The following MYO7B variants were observed in gnomAD, a reference collection of about 807,000 sequenced individuals.
MYO7B encodes myosin VIIB.
Under a neutral mutation model 259.7 loss-of-function variants are expected in MYO7B, and 212 were observed. The ratio of observed to expected loss-of-function variants is 0.82; its 90% CI spans 0.73 to 0.91. The LOEUF is 0.91. Among genes scored for constraint, MYO7B ranks in the 40% least tolerant of loss-of-function variants. The pLI, the probability that MYO7B is intolerant of heterozygous loss-of-function variation, is 0.00. For synonymous variants in MYO7B, 1,197 were observed against 1,166.4 expected (o/e 1.03, Z -0.54); for missense variants, 2,732 against 2,813.5 (o/e 0.97, Z 0.66).
chr2:127,631,778 A>G, intron 38 of MYO7B, 25 bp downstream of exon 38: 2 of 1,607,310 alleles, frequency 1.2e-6, no homozygotes, highest in East Asian at 2.2e-5. Flanking sequence ...CGGCCAGCCC[A>G]CGCGGGCACC....
Position 127,565,280 on chromosome 2 carries a change from C to A in MYO7B, c.180C>A (p.His60Gln). 6.2e-7 allele frequency: 1 copy of A among 1,614,014 alleles called. No homozygotes were observed. The highest frequency in any genetic ancestry group is 1.1e-5 in the South Asian group (1 of 91,090). The change falls in exon 4 of 48, where the codon CAC (histidine) becomes CAA (glutamine). Residue 60 changes from histidine (H) to glutamine (Q), a missense_variant. Transcript: ENST00000409816. ...ACTTTGGTGTCCTCAGTCCCATGCA[C>A]CCCAACTCAGTCCAGGGTGTGGACG... The part of the protein sequence containing the change: ...AEDFGVLSPM[H>Q]PNSVQGVDDM...
In MYO7B at chr2:127,631,246, C is replaced by G. The variant is rs1331470204; in HGVS notation, c.4978C>G (p.Leu1660Val). 2 of 1,610,794 alleles carry G rather than the reference C, an allele frequency of 1.2e-6. No homozygotes were observed. The highest frequency in any genetic ancestry group is 1.3e-5 in the African/African-American group (1 of 75,022). Residue 1660 changes from leucine to valine, a missense_variant, in exon 37 of 48, where the codon CTG becomes GTG. Physicochemically the swap from Leu to Val is conservative, Grantham distance 32. Around this residue, in one of 3 missense-constraint regions of MYO7B, gnomAD observed 821 missense variants for 769.3 expected, o/e 1.07. Coordinates refer to ENST00000409816, the MANE Select transcript of MYO7B (RefSeq NM_001393586.1). ...KDMVSMAVLPLARARGHLWAY... is the reference protein window; with the variant it reads ...KDMVSMAVLPVARARGHLWAY... ...CATGGTGAGCATGGCCGTGCTGCCC[C>G]TGGCCCGTGCCCGTGGCCACCTGTG... is the stretch of plus-strand genomic sequence containing the variant.
In MYO7B at chr2:127,626,896, C is replaced by T. The variant is rs551801564; in HGVS notation, c.4216-79C>T. ...GAGCCTTCTCAGAAGGATCCATCAA[C>T]TCTTTTACCCTGAGCACTAGGTGAG... On this transcript the variant is annotated intron_variant, in intron 31 of 47. Transcript: ENST00000409816. 167 of 1,318,096 alleles carry T rather than the reference C, an allele frequency of 1.3e-4. No individual in the cohort carries two copies. The African/African-American group carries it at 2.3e-3, about 18-fold the overall frequency. 81.7% of individuals were successfully genotyped at this position (1,318,096 alleles called of 1,614,324 possible).
At position 127,609,863 on chromosome 2, in the gene MYO7B, A is replaced by G; in HGVS notation, c.3039A>G (p.Ile1013Met). The change falls in exon 24 of 48, where the codon ATA becomes ATG. Residue 1013 changes from isoleucine (I) to methionine (M), a missense_variant. Physicochemically the swap from Ile to Met is conservative, Grantham distance 10. This residue lies in a region of MYO7B where 1,906 missense variants were observed against 2,026.4 expected (regional missense o/e 0.94). Coordinates refer to ENST00000409816, the MANE Select transcript of MYO7B (RefSeq NM_001393586.1). The surrounding 1 kb of genome is among the most constrained non-coding windows in gnomAD (Gnocchi z 6.9). ...DDTDCLAALV[I>M]WNVILRFMGD... ...TGTTTCCCCAGGCCGCCCTGGTCAT[A>G]TGGAACGTCATCCTGAGGTTCATGG... The G allele has an allele frequency of 6.2e-7, 1 of 1,613,340 alleles. No homozygotes were observed. Among genetic ancestry groups the G allele is most frequent in the Non-Finnish European group, 8.5e-7 (1 of 1,179,590 alleles).
At chr2:127,547,280 A>G (rs1457251471) in intron 1 of MYO7B, among the ~76,000 whole-genome samples, 3 of 152,194 alleles carry the variant, frequency 2.0e-5, no homozygotes, top group Non-Finnish European at 4.4e-5. Flanking sequence ...CAGGTGTGGG[A>G]GAGACACACA....
In MYO7B at chr2:127,576,744, G is replaced by A. The variant is rs1678884508; in HGVS notation, c.849+36G>A. 7.0e-7 allele frequency: 1 copy of A among 1,429,148 alleles called. No individual in the cohort carries two copies. Among genetic ancestry groups the A allele is most frequent in the South Asian group, 1.2e-5 (1 of 84,550 alleles). The allele number at this position is 1,429,148 out of a possible 1,614,324, so 88.5% of individuals were successfully genotyped here. ...CACCTGCCGCCTCCCAGTAGCCAGTGGAAGGGAGGAAAAAGAGCTTGTGCC... is the reference window on the plus strand; with the variant it reads ...CACCTGCCGCCTCCCAGTAGCCAGTAGAAGGGAGGAAAAAGAGCTTGTGCC... On this transcript the variant is annotated intron_variant, in intron 8 of 47. Coordinates refer to ENST00000409816, the MANE Select transcript of MYO7B (RefSeq NM_001393586.1). This position sits in a 1 kb window ranked among gnomAD's most constrained non-coding sequence, Gnocchi z 4.9.
rs1678862862 is a variant in MYO7B at position 127,576,295 on chromosome 2, A to T, written c.736-300A>T. ...TGTGAAGACTGTGGGACTATAAGAG[A>T]GCCCCGACTCTGTGCCATCACTCCT... On this transcript the variant is annotated intron_variant, in intron 7 of 47. Coordinates refer to ENST00000409816, the MANE Select transcript of MYO7B (RefSeq NM_001393586.1). The surrounding 1 kb of genome is among the most constrained non-coding windows in gnomAD (Gnocchi z 4.9). 6.6e-6 allele frequency among the ~76,000 whole-genome samples: 1 copy of T among 151,924 alleles called. No homozygotes were observed. Among genetic ancestry groups the T allele is most frequent in the South Asian group, 2.1e-4 (1 of 4,808 alleles).
chr2:127,554,131 A>G (rs1296271902), intron 1 of MYO7B, among the ~76,000 whole-genome samples: 2 of 151,926 alleles, frequency 1.3e-5, no homozygotes, highest in African/African-American at 2.4e-5. Context: ...CTGGAGTGCA[A>G]TGGTGCAATC....
chr2:127,626,860 C>A, intron 31 of MYO7B, 115 bp from the exon 32 acceptor site: 2 of 960,072 alleles, frequency 2.1e-6, no homozygotes, highest in Non-Finnish European at 3.2e-6. Flanking sequence ...TCTCCAGACA[C>A]TGGCCTTGTA....
At chr2:127,596,778 G>A (rs1162986794) in intron 19 of MYO7B, among the ~76,000 whole-genome samples, 1 of 152,254 alleles carries the variant, frequency 6.6e-6, no homozygotes, top group Non-Finnish European at 1.5e-5. Context: ...CACTCCATAT[G>A]CAAGAGATGG....
intron 3 of MYO7B, 102 bp downstream of exon 3, chr2:127,564,368 C>A: frequency 1.1e-6 from 1 of 912,008 alleles, no homozygotes; most frequent in Non-Finnish European, 1.6e-6. Context: ...CCAGGGGCTC[C>A]AAGGCCAAGT....
chr2:127,608,339 G>A (rs76545545), intron 21 of MYO7B, among the ~76,000 whole-genome samples: 9,337 of 152,216 alleles, frequency 0.061, 530 homozygotes, highest in African/African-American at 0.15. Flanking sequence ...ACCTGTCCTG[G>A]TGGACCCTTT....
At position 127,607,270 on chromosome 2, in the gene MYO7B, A is replaced by T. The variant is rs965854431; in HGVS notation, c.2489A>T (p.Gln830Leu). Residue 830 changes from glutamine to leucine, a missense_variant, in exon 21 of 48, where the codon CAG becomes CTG. By Grantham distance (113) the Gln-to-Leu change is moderately radical. Transcript: ENST00000409816. The surrounding 1 kb of genome is among the most constrained non-coding windows in gnomAD (Gnocchi z 4.4). Reference sequence around the variant, plus strand: ...AGCCAGCCGCTGGCGAGGCAGTACCAGGCCATGCGGCAGAGGACAGTCCAG... The same window carrying T: ...AGCCAGCCGCTGGCGAGGCAGTACCTGGCCATGCGGCAGAGGACAGTCCAG... ...ARSQPLARQY[Q>L]AMRQRTVQLQ... 6.4e-7 allele frequency: 1 copy of T among 1,551,120 alleles called. No individual in the cohort carries two copies. The highest frequency in any genetic ancestry group is 8.7e-7 in the Non-Finnish European group (1 of 1,147,026).
intron 1 of MYO7B, among the ~76,000 whole-genome samples, chr2:127,553,713 T>C (rs189953800): frequency 9.2e-5 from 14 of 152,326 alleles, no homozygotes; most frequent in African/African-American, 3.4e-4. Context: ...ACAGCAACAG[T>C]TTGACTTCCT....
At position 127,564,166 on chromosome 2, in the gene MYO7B, G is replaced by C. The variant is rs970257782; in HGVS notation, c.32G>C (p.Trp11Ser). 2 of 1,566,240 alleles carry C rather than the reference G, an allele frequency of 1.3e-6. No homozygotes were observed. Among genetic ancestry groups the C allele is most frequent in the Non-Finnish European group, 1.7e-6 (2 of 1,156,040 alleles). ...TCTGCCCTCCAGGGTGACCACGTGT[G>C]GCTGGAGCCTCCCTCCACCCACAAG... MSGFRLGDHVWLEPPSTHKTG... is the reference protein window; with the variant it reads MSGFRLGDHVSLEPPSTHKTG... The change falls in exon 3 of 48, where the codon TGG becomes TCG. Residue 11 changes from tryptophan to serine, a missense_variant. Around this residue, in one of 3 missense-constraint regions of MYO7B, gnomAD observed 1,906 missense variants for 2,026.4 expected, o/e 0.94. Transcript: ENST00000409816.
At chr2:127,621,265 G>GT (rs1212192791) in intron 27 of MYO7B, among the ~76,000 whole-genome samples, 3,827 of 120,640 alleles carry the variant, frequency 0.032, 72 homozygotes, top group Non-Finnish European at 0.047. Flanking sequence ...TTTTTTTTTT[G>GT]TTTTTTTTTT....
chr2:127,624,077 C>G lies in MYO7B; in HGVS notation c.3820-16C>G, dbSNP rs771984916. On this transcript the variant is annotated splice_polypyrimidine_tract_variant and intron_variant, in intron 29 of 47. Transcript: ENST00000409816. ...TGCAACAGCCGCTAACCCCTGCTCC[C>G]CGACTCTGGCCTCAGTTCTGGTCCC... The G allele has an allele frequency of 2.6e-6, 4 of 1,546,176 alleles. No homozygotes were observed. The East Asian group carries it at 9.8e-5, about 38-fold the overall frequency.
intron 5 of MYO7B, 26 bp downstream of exon 5, chr2:127,566,853 C>T (rs138632365): frequency 1.6e-5 from 26 of 1,592,660 alleles, no homozygotes; most frequent in Non-Finnish European, 2.2e-5. Context: ...CAGGCACCAC[C>T]TCCAGGCATC....
chr2:127,632,375 C>G lies in MYO7B; in HGVS notation c.5379C>G (p.Cys1793Trp). ...GGGGGAAGCTGCTGGCCCCCGACTG[C>G]AGCCGCCGAATCCAGAAGGTCCTGA... ...TRRGKLLAPD[C>W]SRRIQKVLRT... Residue 1793 changes from cysteine (C) to tryptophan (W), a missense_variant, in exon 39 of 48, where the codon TGC (cysteine) becomes TGG (tryptophan). Transcript: ENST00000409816. 1 of 1,578,834 alleles carries G rather than the reference C, an allele frequency of 6.3e-7. No homozygotes were observed. The highest frequency in any genetic ancestry group is 8.6e-7 in the Non-Finnish European group (1 of 1,161,980).
Sources: allele counts gnomAD v4.1 joint callset (sites outside exome capture counted in the v4.1 genomes callset), GRCh38; gene constraint gnomAD v4.1.1; regional missense constraint gnomAD v4.1.1; non-coding constraint Gnocchi (gnomAD v3.1); transcripts MANE v1.5; gene names NCBI Gene and HGNC (gene_info 2026-07-23, HGNC 2026-07-21).